CDH18: variants seen among roughly 807,000 people sequenced by gnomAD.
CDH18 encodes the protein cadherin 18, also known as cadherin-18.
A neutral mutation model predicts 67.9 loss-of-function variants in CDH18; 31 were observed. The observed-to-expected ratio is 0.46, with a 90% CI of 0.34 to 0.62. The LOEUF (loss-of-function observed/expected upper bound fraction) is 0.62, where lower values mean the gene tolerates loss of function less well. Among genes scored for constraint, CDH18 ranks in the 20% least tolerant of loss-of-function variants. CDH18 has a pLI of 0.01. For missense variants in CDH18, 890 were observed against 975.5 expected, an observed-to-expected ratio of 0.91 and a Z score of 1.17; for synonymous variants, 362 against 347.2, an observed-to-expected ratio of 1.04 and a Z score of -0.48.
At chr5:20,192,223 G>C (rs919789074) in intron 2 of CDH18, among the ~76,000 whole-genome samples, 1 of 150,104 alleles carries the variant, frequency 6.7e-6, no homozygotes, top group Non-Finnish European at 1.5e-5. Context: ...TTGTAAATAT[G>C]TTTAAGTTTT....
rs547435331 is a variant in CDH18 at position 20,337,895 on chromosome 5, C to A, written c.-579-82390G>T. On this transcript the variant is annotated intron_variant, in intron 1 of 14. Coordinates refer to the CDH18 transcript ENST00000507958. ...AGAGATTTAATTGCACTTACAGTTC[C>A]ACGTGGCTGGGGAAAACTCACAATC... Among the ~76,000 whole-genome samples the A allele has an allele frequency of 5.3e-5, 8 of 152,324 alleles. No individual in the cohort carries two copies. The South Asian group carries it at 1.7e-3, about 32-fold the overall frequency.
chr5:20,563,386 A>T (rs1758327265), intron 1 of CDH18, among the ~76,000 whole-genome samples: 2 of 152,156 alleles, frequency 1.3e-5, no homozygotes, highest in Non-Finnish European at 2.9e-5. Context: ...CAAGCTTAAC[A>T]GAATAGGAAT....
At chr5:19,666,690 G>A (rs1176959139) in intron 5 of CDH18, among the ~76,000 whole-genome samples, 1 of 152,036 alleles carries the variant, frequency 6.6e-6, no homozygotes, top group Non-Finnish European at 1.5e-5. Flanking sequence ...CCTCCCAAAA[G>A]ACAACTGATT....
chr5:19,596,431 G>A (rs756758929), intron 6 of CDH18, among the ~76,000 whole-genome samples: 44 of 152,102 alleles, frequency 2.9e-4, no homozygotes, highest in Non-Finnish European at 3.4e-4. Flanking sequence ...CAATTTTTTT[G>A]GATGCTGTGG....
chr5:20,495,690 A>G (rs1753863833), intron 1 of CDH18, among the ~76,000 whole-genome samples: 1 of 152,174 alleles, frequency 6.6e-6, no homozygotes, highest in Non-Finnish European at 1.5e-5. Context: ...AGTGATCACA[A>G]AGATACTGTT....
At chr5:19,611,892 T>C (rs980122154) in intron 6 of CDH18, among the ~76,000 whole-genome samples, 1 of 152,020 alleles carries the variant, frequency 6.6e-6, no homozygotes, top group African/African-American at 2.4e-5. Context: ...TCAAGTCTTA[T>C]ATTTTACTCT....
At chr5:19,489,724 A>G (rs1306761402) in intron 11 of CDH18, among the ~76,000 whole-genome samples, 1 of 152,212 alleles carries the variant, frequency 6.6e-6, no homozygotes, top group East Asian at 1.9e-4. Context: ...TTTCTTTGCC[A>G]TTACATCTGT....
chr5:19,860,039 A>T (rs184615824), intron 2 of CDH18, among the ~76,000 whole-genome samples: 2 of 134,736 alleles, frequency 1.5e-5, no homozygotes, highest in East Asian at 2.1e-4. Context: ...AGTATTCTTA[A>T]GAATAAATGT....
chr5:20,045,703 A>G (rs895618525), intron 2 of CDH18, among the ~76,000 whole-genome samples: 1 of 152,014 alleles, frequency 6.6e-6, no homozygotes, highest in Non-Finnish European at 1.5e-5. Context: ...GGATAGTGTC[A>G]TTAAGATCCT....
At chr5:20,182,150 T>C (rs1015185480) in intron 2 of CDH18, among the ~76,000 whole-genome samples, 1 of 152,118 alleles carries the variant, frequency 6.6e-6, no homozygotes, top group Non-Finnish European at 1.5e-5. Flanking sequence ...TGTTAAGGGA[T>C]AATAGCAAAA....
chr5:20,124,839 T>G (rs1748683449), intron 2 of CDH18, among the ~76,000 whole-genome samples: 1 of 152,156 alleles, frequency 6.6e-6, no homozygotes, highest in Non-Finnish European at 1.5e-5. Context: ...AGAGCTTGGT[T>G]GATGACTATA....
intron 2 of CDH18, among the ~76,000 whole-genome samples, chr5:20,100,417 A>T (rs1171493560): frequency 6.6e-6 from 1 of 152,198 alleles, no homozygotes; most frequent in Admixed American, 6.5e-5. Flanking sequence ...CCCTTGTATT[A>T]GAAGTGATAA....
At chr5:20,349,736 C>T (rs1741009370) in intron 1 of CDH18, among the ~76,000 whole-genome samples, 1 of 152,030 alleles carries the variant, frequency 6.6e-6, no homozygotes, top group Non-Finnish European at 1.5e-5. Context: ...GTCCAATTTT[C>T]AAAAGATAAG....
chr5:20,396,296 G>A (rs1289714343), intron 1 of CDH18, among the ~76,000 whole-genome samples: 1 of 151,918 alleles, frequency 6.6e-6, no homozygotes, highest in Non-Finnish European at 1.5e-5. Context: ...GATGTGCTTG[G>A]TATGAGGGAA....
intron 5 of CDH18, among the ~76,000 whole-genome samples, chr5:19,676,228 A>G (rs895590687): frequency 2.0e-5 from 3 of 152,118 alleles, no homozygotes; most frequent in African/African-American, 7.2e-5. Context: ...ACTCATTGGC[A>G]TCCCTGAAAG....
chr5:20,038,269 G>T (rs1740070901), intron 2 of CDH18, among the ~76,000 whole-genome samples: 1 of 152,108 alleles, frequency 6.6e-6, no homozygotes, highest in Admixed American at 6.6e-5. Context: ...TCTACCAGAG[G>T]TATGAAGAGG....
At chr5:19,721,700 T>G (rs1766124437) in intron 4 of CDH18, among the ~76,000 whole-genome samples, 2 of 152,200 alleles carry the variant, frequency 1.3e-5, no homozygotes, top group Admixed American at 6.5e-5. Flanking sequence ...ACATGGCTCT[T>G]TATGTGTTGG....
intron 1 of CDH18, among the ~76,000 whole-genome samples, chr5:20,266,914 G>A (rs533539245): frequency 3.3e-5 from 5 of 152,074 alleles, no homozygotes; most frequent in Non-Finnish European, 7.4e-5. Context: ...ACATGTTTAG[G>A]AGTTGGAAGG....
intron 1 of CDH18, among the ~76,000 whole-genome samples, chr5:20,488,420 T>C (rs954340257): frequency 2.0e-5 from 3 of 152,016 alleles, no homozygotes; most frequent in Non-Finnish European, 4.4e-5. Flanking sequence ...ATGCAGGGGA[T>C]GTGGATTCCT....
Sources: gnomAD v4.1 joint callset for allele counts (sites outside exome capture counted in the v4.1 genomes callset) on GRCh38, gnomAD v4.1.1 for gene constraint, MANE v1.5 for transcripts, NCBI Gene and HGNC (gene_info 2026-07-23, HGNC 2026-07-21) for gene names.